The following AOPEP variants were observed in gnomAD, a reference collection of about 807,000 sequenced individuals.
AOPEP encodes the protein aminopeptidase O.
A neutral mutation model predicts 98.1 loss-of-function variants in AOPEP; 77 were observed. The observed-to-expected ratio is 0.78, with a 90% CI of 0.65 to 0.95. The LOEUF (loss-of-function observed/expected upper bound fraction) is 0.95, where lower values mean the gene tolerates loss of function less well. Ranked by LOEUF, AOPEP falls within the 40% of genes least tolerant of loss-of-function variation. The pLI is 0.00. For missense variants in AOPEP, 1,024 were observed against 1,024.7 expected (o/e 1.00, Z 0.01); for synonymous variants, 346 against 365.3 (o/e 0.95, Z 0.60).
the AOPEP span, chr9:95,127,017 G>C: frequency 4.4e-6 from 1 of 225,382 alleles, no homozygotes; most frequent in South Asian, 7.4e-5. Context: ...ATTCGGTAAT[G>C]GGTACATAAC....
At chr9:95,007,223 A>G (rs1482524460) in intron 13 of AOPEP, among the ~76,000 whole-genome samples, 1 of 152,110 alleles carries the variant, frequency 6.6e-6, no homozygotes, top group African/African-American at 2.4e-5. Context: ...TAAGCCAAAA[A>G]TAAGATTACC....
At chr9:94,750,577 C>T (rs1835466167) in intron 1 of AOPEP, among the ~76,000 whole-genome samples, 1 of 151,824 alleles carries the variant, frequency 6.6e-6, no homozygotes, top group Admixed American at 6.6e-5. Context: ...GAGCGAGACT[C>T]CGTCTCAAAA....
At chr9:94,817,697 G>A (rs974769109) in intron 5 of AOPEP, among the ~76,000 whole-genome samples, 1 of 152,190 alleles carries the variant, frequency 6.6e-6, no homozygotes, top group African/African-American at 2.4e-5. Context: ...ATTTAGCATG[G>A]CCAATAAACC....
At chr9:94,939,270 G>C (rs181694907) in intron 7 of AOPEP, among the ~76,000 whole-genome samples, 13 of 151,302 alleles carry the variant, frequency 8.6e-5, no homozygotes, top group South Asian at 2.1e-4. Flanking sequence ...AAAAAAGAAG[G>C]CTTCTAATAA....
At chr9:94,763,329 A>G in intron 2 of AOPEP, 1 of 226,520 alleles carries the variant, frequency 4.4e-6, no homozygotes, top group Non-Finnish European at 9.5e-6. Flanking sequence ...GTAAATTGGT[A>G]CCTTTTCTTT....
rs377519477 is a variant in AOPEP at position 94,962,793 on chromosome 9, C to T, written c.1873-4965C>T. 6.1e-3 allele frequency among the ~76,000 whole-genome samples: 882 copies of T among 144,622 alleles called. 3 individuals carry two copies. Among genetic ancestry groups the T allele is most frequent in the South Asian group, 0.019 (88 of 4,642 alleles). The allele number at this position is 144,622 out of a possible 152,430, so 94.9% of individuals were successfully genotyped here. A position where few individuals can be genotyped will look rare whatever the true frequency, so the allele number is the denominator to read the frequency against. ...TGTCACCCAGGCTGGAGTGCAGTGGCGTGATCTCGGCTCACTGCAAGCTCT... is the reference window on the plus strand; with the variant it reads ...TGTCACCCAGGCTGGAGTGCAGTGGTGTGATCTCGGCTCACTGCAAGCTCT... On this transcript the variant is annotated intron_variant, in intron 9 of 16. Coordinates refer to ENST00000375315, the MANE Select transcript of AOPEP (RefSeq NM_001193329.3).
intron 10 of AOPEP, among the ~76,000 whole-genome samples, chr9:94,977,735 C>T (rs10993431): frequency 0.076 from 11,564 of 152,118 alleles, 1,097 homozygotes; most frequent in African/African-American, 0.22. Context: ...GAAGGCCCAG[C>T]GATGGTGGCA....
At chr9:94,837,304 C>T (rs1038444761) in intron 5 of AOPEP, among the ~76,000 whole-genome samples, 1 of 152,156 alleles carries the variant, frequency 6.6e-6, no homozygotes, top group Admixed American at 6.5e-5. Flanking sequence ...TGGACAGATT[C>T]ACAGCCGAAC....
At chr9:95,107,526 A>G in the AOPEP span, 2 of 568,914 alleles carry the variant, frequency 3.5e-6, no homozygotes, top group Non-Finnish European at 6.3e-6. Flanking sequence ...TTTTTTGTAT[A>G]AAAGGAAACA....
intron 5 of AOPEP, among the ~76,000 whole-genome samples, chr9:94,843,826 GT>G (rs1390954376): frequency 6.6e-5 from 10 of 152,044 alleles, no homozygotes; most frequent in Admixed American, 6.5e-4. Context: ...TTGACTTTTG[GT>G]TTCCCTCAAA....
intron 11 of AOPEP, among the ~76,000 whole-genome samples, 200 bp downstream of exon 11, chr9:94,979,627 A>G (rs2060056624): frequency 6.6e-6 from 1 of 152,148 alleles, no homozygotes; most frequent in Non-Finnish European, 1.5e-5. Context: ...GCCACTTTCA[A>G]GTGACCGTGG....
At chr9:94,929,467 G>A (rs538637620) in intron 7 of AOPEP, among the ~76,000 whole-genome samples, 1 of 152,394 alleles carries the variant, frequency 6.6e-6, no homozygotes, top group Admixed American at 6.5e-5. Flanking sequence ...CAGCACTGCA[G>A]AATGTTGGGG....
intron 13 of AOPEP, among the ~76,000 whole-genome samples, chr9:95,007,020 G>A (rs1263154108): frequency 3.3e-5 from 5 of 151,096 alleles, no homozygotes; most frequent in African/African-American, 9.8e-5. Flanking sequence ...TTCTGCCTCA[G>A]CCTCCCGAAT....
At chr9:94,782,131 A>C (rs1456397166) in intron 3 of AOPEP, among the ~76,000 whole-genome samples, 1 of 151,860 alleles carries the variant, frequency 6.6e-6, no homozygotes, top group African/African-American at 2.4e-5. Flanking sequence ...CGGAGGTTGC[A>C]GTGAGCCAAG....
downstream of AOPEP, among the ~76,000 whole-genome samples, chr9:95,088,397 T>C (rs2070816606): frequency 1.3e-5 from 2 of 152,266 alleles, no homozygotes; most frequent in South Asian, 4.2e-4. Flanking sequence ...TTAGTGGAGA[T>C]GGGGTTTCAC....
chr9:94,857,160 C>T (rs577761922), intron 5 of AOPEP, among the ~76,000 whole-genome samples: 26 of 152,330 alleles, frequency 1.7e-4, no homozygotes, highest in Non-Finnish European at 3.4e-4. Context: ...GAAATATCCT[C>T]ACCCTTCTGT....
Position 94,913,266 on chromosome 9 carries a change from G to T in AOPEP, c.1365-10720G>T, listed in dbSNP as rs75743366. Among the ~76,000 whole-genome samples, 45 of 152,250 alleles carry T rather than the reference G, an allele frequency of 3.0e-4. No individual in the cohort carries two copies. The East Asian group carries it at 8.3e-3, about 28-fold the overall frequency. ...GAAGGCTCATAATTTTAAATGGAAA[G>T]GTTAGTTAAAATCAGGAGACTTTGG... On this transcript the variant is annotated intron_variant, in intron 5 of 16. Coordinates refer to ENST00000375315, the MANE Select transcript of AOPEP (RefSeq NM_001193329.3).
chr9:95,022,948 G>C (rs1035046302), intron 13 of AOPEP, among the ~76,000 whole-genome samples: 10 of 152,116 alleles, frequency 6.6e-5, no homozygotes, highest in Admixed American at 2.6e-4. Flanking sequence ...GAGATCTTAA[G>C]GTACCTTTCT....
chr9:94,773,627 T>G lies in AOPEP; in HGVS notation c.964+459T>G, dbSNP rs557258762. On this transcript the variant is annotated intron_variant, in intron 3 of 16. Coordinates refer to ENST00000375315, the MANE Select transcript of AOPEP (RefSeq NM_001193329.3). The stretch of plus-strand genomic sequence containing the variant: ...GCATCTTTTCTACACATGGTTTGCC[T>G]GTGTAAAGTTCTGAACCAAAGGTGT... 1.2e-4 allele frequency among the ~76,000 whole-genome samples: 19 copies of G among 152,366 alleles called. No individual in the cohort carries two copies. In the South Asian group the frequency reaches 3.3e-3, roughly 27 times the overall value.
Sources: gnomAD v4.1 joint callset for allele counts (sites outside exome capture counted in the v4.1 genomes callset) on GRCh38, gnomAD v4.1.1 for gene constraint, MANE v1.5 for transcripts, NCBI Gene and HGNC (gene_info 2026-07-23, HGNC 2026-07-21) for gene names.